TGFBR3: variants seen among roughly 807,000 people sequenced by gnomAD.
The protein encoded by TGFBR3 is transforming growth factor beta receptor type 3.
A neutral mutation model predicts 87.9 loss-of-function variants in TGFBR3; 46 were observed. The ratio of observed to expected loss-of-function variants is 0.52; its 90% CI spans 0.41 to 0.67. The LOEUF (loss-of-function observed/expected upper bound fraction) is 0.67, where lower values mean the gene tolerates loss of function less well. TGFBR3 is among the 30% of genes least tolerant of loss of function. The pLI, the probability that TGFBR3 is intolerant of heterozygous loss-of-function variation, is 0.00. For synonymous variants in TGFBR3, 381 were observed against 391.6 expected, an observed-to-expected ratio of 0.97 and a Z score of 0.32; for missense variants, 866 against 1,041.9, an observed-to-expected ratio of 0.83 and a Z score of 2.32.
intron 2 of TGFBR3, among the ~76,000 whole-genome samples, chr1:91,846,196 A>G (rs1677493149): frequency 6.6e-6 from 1 of 152,200 alleles, no homozygotes; most frequent in South Asian, 2.1e-4. Flanking sequence ...GTAAGGTCCA[A>G]GCTAATCTCT....
chr1:91,696,611 CTTT>C (rs1317856979), intron 15 of TGFBR3, among the ~76,000 whole-genome samples: 1 of 152,166 alleles, frequency 6.6e-6, no homozygotes, highest in Non-Finnish European at 1.5e-5. Context: ...GAACTACCTT[CTTT>C]GAGTCACTTA....
rs529977249 is a variant in TGFBR3 at position 91,720,439 on chromosome 1, C to T, written c.1076-209G>A. ...TAGCTCAGTGGCTTTAGGCAAGCGG[C>T]TTGCTTCTCTGTGCCTCAAATTTGC... On this transcript the variant is annotated intron_variant, in intron 8 of 16. Transcript: ENST00000212355. Among the ~76,000 whole-genome samples, 15 of 152,350 alleles carry T rather than the reference C, an allele frequency of 9.8e-5. No homozygotes were observed. The South Asian group carries it at 3.1e-3, about 32-fold the overall frequency.
At chr1:91,790,818 T>C (rs973668378) in intron 3 of TGFBR3, among the ~76,000 whole-genome samples, 1 of 152,202 alleles carries the variant, frequency 6.6e-6, no homozygotes, top group Non-Finnish European at 1.5e-5. Context: ...TAGTTTAATG[T>C]TTTTGCTCTC....
At chr1:91,900,598 T>A (rs530525910) in intron 1 of TGFBR3, among the ~76,000 whole-genome samples, 79 of 152,332 alleles carry the variant, frequency 5.2e-4, no homozygotes, top group African/African-American at 1.9e-3. Flanking sequence ...AAGTATCACA[T>A]ACAAGAAACT....
At chr1:91,771,761 C>G (rs552083319) in intron 3 of TGFBR3, among the ~76,000 whole-genome samples, 1 of 147,390 alleles carries the variant, frequency 6.8e-6, no homozygotes, top group Admixed American at 6.8e-5. Flanking sequence ...ACTACACAAA[C>G]TGTGAAGACT....
At chr1:91,895,264 C>T (rs1679530622) in intron 2 of TGFBR3, among the ~76,000 whole-genome samples, 1 of 152,088 alleles carries the variant, frequency 6.6e-6, no homozygotes, top group Admixed American at 6.5e-5. Context: ...ATAGTGAGTT[C>T]TTGCGAGATC....
At chr1:91,722,315 T>C (rs774939154) in intron 7 of TGFBR3, among the ~76,000 whole-genome samples, 171 bp from the exon 8 acceptor site, 13 of 152,326 alleles carry the variant, frequency 8.5e-5, no homozygotes, top group Non-Finnish European at 1.8e-4. Context: ...AAACCTTTAA[T>C]AGCCGACTAA....
chr1:91,724,441 ATGT>A (rs1367515461), intron 7 of TGFBR3, among the ~76,000 whole-genome samples: 2 of 152,178 alleles, frequency 1.3e-5, no homozygotes, highest in African/African-American at 4.8e-5. Context: ...AGTCTCTTTC[ATGT>A]TGTTGGACAG....
chr1:91,755,829 C>T (rs1275962012), intron 4 of TGFBR3, among the ~76,000 whole-genome samples: 1 of 152,208 alleles, frequency 6.6e-6, no homozygotes, highest in Non-Finnish European at 1.5e-5. Context: ...ACACTTTCAT[C>T]TGGACCTATA....
intron 3 of TGFBR3, among the ~76,000 whole-genome samples, chr1:91,773,611 G>T (rs1414217266): frequency 6.6e-6 from 1 of 152,204 alleles, no homozygotes; most frequent in East Asian, 1.9e-4. Flanking sequence ...GAATGCAGGA[G>T]GCAGAGGTTG....
intron 3 of TGFBR3, among the ~76,000 whole-genome samples, chr1:91,771,149 T>C (rs1367764302): frequency 6.6e-6 from 1 of 152,230 alleles, no homozygotes; most frequent in Non-Finnish European, 1.5e-5. Flanking sequence ...TCTAGGTTAA[T>C]AAGCGTGAAG....
intron 2 of TGFBR3, among the ~76,000 whole-genome samples, chr1:91,828,070 C>T (rs887082610): frequency 1.3e-5 from 2 of 152,294 alleles, no homozygotes; most frequent in East Asian, 1.9e-4. Flanking sequence ...CTTCAGATCA[C>T]GCTGAGGTCT....
At chr1:91,845,005 G>A (rs1311587299) in intron 2 of TGFBR3, among the ~76,000 whole-genome samples, 4 of 152,118 alleles carry the variant, frequency 2.6e-5, no homozygotes, top group Admixed American at 2.0e-4. Context: ...AGGATAGCCC[G>A]CCTCACACAG....
chr1:91,714,024 T>A (rs1419259739), intron 12 of TGFBR3, among the ~76,000 whole-genome samples: 3 of 150,054 alleles, frequency 2.0e-5, no homozygotes, highest in Non-Finnish European at 3.0e-5. Flanking sequence ...TATGTATATA[T>A]AGTTTATATA....
At chr1:91,812,296 T>C (rs1676059646) in intron 2 of TGFBR3, among the ~76,000 whole-genome samples, 1 of 152,164 alleles carries the variant, frequency 6.6e-6, no homozygotes, top group African/African-American at 2.4e-5. Context: ...CGCCACACAA[T>C]AAATGCCTCA....
chr1:91,697,269 AT>A (rs1245145105), intron 15 of TGFBR3, among the ~76,000 whole-genome samples: 6 of 152,148 alleles, frequency 3.9e-5, no homozygotes, highest in Admixed American at 1.3e-4. Context: ...TTGTTCCATA[AT>A]TTAAAAAAAA....
At chr1:91,717,974 GT>G in intron 10 of TGFBR3, among the ~76,000 whole-genome samples, 1 of 151,512 alleles carries the variant, frequency 6.6e-6, no homozygotes, top group African/African-American at 2.4e-5. Context: ...AAGTATTTCA[GT>G]AATATATGAC....
intron 1 of TGFBR3, among the ~76,000 whole-genome samples, chr1:91,873,025 ATGATCATAGCTCAC>A (rs1250783988): frequency 6.6e-6 from 1 of 152,014 alleles, no homozygotes; most frequent in Non-Finnish European, 1.5e-5. Context: ...GTGCAGTGGC[ATGATCATAGCTCAC>A]TGCAGCCTCG....
chr1:91,682,745 T>C lies in TGFBR3; in HGVS notation c.*994A>G, dbSNP rs1304775127. ...GAGTGGAAACACTCACCCTACCAAA[T>C]ATACTTAAGTTGCAACTCTAAAAGC... On this transcript the variant is annotated 3_prime_UTR_variant, in exon 17 of 17. Coordinates refer to ENST00000212355, the MANE Select transcript of TGFBR3 (RefSeq NM_003243.5). The C allele has an allele frequency of 2.2e-6, 1 of 454,042 alleles. No individual in the cohort carries two copies. Among genetic ancestry groups the C allele is most frequent in the East Asian group, 6.9e-5 (1 of 14,392 alleles). The allele number at this position is 454,042 out of a possible 1,614,324, so 28.1% of individuals were successfully genotyped here. A position where few individuals can be genotyped will look rare whatever the true frequency, so the allele number is the denominator to read the frequency against.
Sources: gnomAD v4.1 joint callset for allele counts (sites outside exome capture counted in the v4.1 genomes callset) on GRCh38, gnomAD v4.1.1 for gene constraint, MANE v1.5 for transcripts, NCBI Gene and HGNC (gene_info 2026-07-23, HGNC 2026-07-21) for gene names.